ST8SIA6: variants seen among roughly 807,000 people sequenced by gnomAD.
ST8SIA6 encodes the protein alpha-2,8-sialyltransferase 8F.
Under a neutral mutation model 33.6 loss-of-function variants are expected in ST8SIA6, and 39 were observed. The ratio of observed to expected loss-of-function variants is 1.16; its 90% CI spans 0.90 to 1.52. The LOEUF (loss-of-function observed/expected upper bound fraction) is 1.52. ST8SIA6 is among the 40% of genes most tolerant of loss of function. ST8SIA6 has a pLI of 0.00. For synonymous variants in ST8SIA6, 172 were observed against 167.2 expected (o/e 1.03, Z -0.22); for missense variants, 441 against 443.8 (o/e 0.99, Z 0.06).
intron 6 of ST8SIA6, among the ~76,000 whole-genome samples, chr10:17,324,639 G>T (rs1431410052): frequency 6.6e-6 from 1 of 150,750 alleles, no homozygotes. Flanking sequence ...TTTAATTCAT[G>T]AGTCTAAAAT....
rs1307295974 is a variant in ST8SIA6 at position 17,331,817 on chromosome 10, T to C, written c.378-265A>G. 5.9e-5 allele frequency among the ~76,000 whole-genome samples: 9 copies of C among 152,186 alleles called. No homozygotes were observed. The South Asian group carries it at 1.2e-3, about 21-fold the overall frequency. On this transcript the variant is annotated intron_variant, in intron 4 of 7. Coordinates refer to ENST00000377602, the MANE Select transcript of ST8SIA6 (RefSeq NM_001004470.3). ...TTTAATTTTACTTTAAATTCTGGGA[T>C]ACATATGCAGACATGCAGGTTTGTT... is the stretch of plus-strand genomic sequence containing the variant.
At chr10:17,398,320 C>A (rs1418728635) in intron 2 of ST8SIA6, among the ~76,000 whole-genome samples, 1 of 151,022 alleles carries the variant, frequency 6.6e-6, no homozygotes, top group African/African-American at 2.4e-5. Context: ...GAGCAAGACT[C>A]CATCTTAAGG....
intron 4 of ST8SIA6, among the ~76,000 whole-genome samples, chr10:17,346,256 C>A (rs1848829491): frequency 6.6e-6 from 1 of 152,178 alleles, no homozygotes; most frequent in Admixed American, 6.5e-5. Flanking sequence ...GGATGTCCAA[C>A]TCAGGCGAGC....
chr10:17,446,819 T>G (rs1409327169), intron 2 of ST8SIA6, among the ~76,000 whole-genome samples: 4 of 151,554 alleles, frequency 2.6e-5, no homozygotes, highest in African/African-American at 9.7e-5. Context: ...TCCTAACACT[T>G]TGGGAGGCTG....
At chr10:17,431,071 T>C (rs1852086630) in intron 2 of ST8SIA6, among the ~76,000 whole-genome samples, 1 of 152,168 alleles carries the variant, frequency 6.6e-6, no homozygotes, top group Non-Finnish European at 1.5e-5. Context: ...TAGGCAGAAA[T>C]CTTTGAGTAG....
chr10:17,361,699 GAA>G (rs2131620340), intron 3 of ST8SIA6, among the ~76,000 whole-genome samples: 1 of 130,304 alleles, frequency 7.7e-6, no homozygotes, highest in South Asian at 2.6e-4. Context: ...CAAAAATAAG[GAA>G]AAGACATTGG....
At chr10:17,451,236 C>T (rs1264532384) in intron 2 of ST8SIA6, among the ~76,000 whole-genome samples, 1 of 152,120 alleles carries the variant, frequency 6.6e-6, no homozygotes, top group African/African-American at 2.4e-5. Context: ...CATACTAGAA[C>T]TCAGCCATAA....
intron 2 of ST8SIA6, among the ~76,000 whole-genome samples, chr10:17,443,006 T>A (rs1852557968): frequency 6.6e-6 from 1 of 152,182 alleles, no homozygotes; most frequent in South Asian, 2.1e-4. Flanking sequence ...CTACAATCTA[T>A]TGCATGTATA....
chr10:17,437,382 G>A (rs1176270785), intron 2 of ST8SIA6, among the ~76,000 whole-genome samples: 2 of 152,078 alleles, frequency 1.3e-5, no homozygotes, highest in Non-Finnish European at 2.9e-5. Flanking sequence ...ATGTTGCTCA[G>A]GCTAGTCATG....
chr10:17,436,226 G>T (rs1339304674), intron 2 of ST8SIA6, among the ~76,000 whole-genome samples: 2 of 152,038 alleles, frequency 1.3e-5, no homozygotes, highest in Admixed American at 6.5e-5. Flanking sequence ...ATATTGTTTG[G>T]CTGTGTCCCC....
Position 17,331,495 on chromosome 10 carries a change from G to A in ST8SIA6, c.435C>T (p.Asn145=), listed in dbSNP as rs765620730. ...AACTCATATTAGTCCCAACTGGAGTGTTATTCTGAGAAACAACAAAGTTTT... is the reference window on the plus strand; with the variant it reads ...AACTCATATTAGTCCCAACTGGAGTATTATTCTGAGAAACAACAAAGTTTT... The part of the protein sequence containing the change: ...AVQNFVVSQN[N]TPVGTNMSYE... The change falls in exon 5 of 8, where the codon AAC becomes AAT. Residue 145 remains asparagine (N), a synonymous_variant. Transcript: ENST00000377602. 22 of 1,613,240 alleles carry A rather than the reference G, an allele frequency of 1.4e-5. No homozygotes were observed. The East Asian group carries it at 4.7e-4, about 34-fold the overall frequency.
intron 2 of ST8SIA6, among the ~76,000 whole-genome samples, chr10:17,444,031 C>G (rs1182124547): frequency 6.6e-6 from 1 of 152,212 alleles, no homozygotes; most frequent in African/African-American, 2.4e-5. Context: ...AACCAAGCCT[C>G]TGGTCTCGTT....
At chr10:17,397,962 G>A (rs1850880250) in intron 2 of ST8SIA6, among the ~76,000 whole-genome samples, 1 of 152,272 alleles carries the variant, frequency 6.6e-6, no homozygotes, top group East Asian at 1.9e-4. Context: ...CACTTTACAA[G>A]CCCCACTGAC....
At chr10:17,402,228 G>T (rs142400920) in intron 2 of ST8SIA6, among the ~76,000 whole-genome samples, 4,924 of 152,250 alleles carry the variant, frequency 0.032, 84 homozygotes, top group South Asian at 0.056. Flanking sequence ...ACCACAATGA[G>T]ACACCATCTC....
At position 17,341,789 on chromosome 10, in the gene ST8SIA6, T is replaced by A. The variant is rs576920096; in HGVS notation, c.378-10237A>T. On this transcript the variant is annotated intron_variant, in intron 4 of 7. Transcript: ENST00000377602. Reference sequence around the variant, plus strand: ...GTTGGCAGCCACCTGTAATCCCAGCTACTCAGGAGGCTGAAGCAAGAGAAT... The same window carrying A: ...GTTGGCAGCCACCTGTAATCCCAGCAACTCAGGAGGCTGAAGCAAGAGAAT... 2.0e-5 allele frequency among the ~76,000 whole-genome samples: 3 copies of A among 148,574 alleles called. No individual in the cohort carries two copies. In the South Asian group the frequency reaches 6.3e-4, roughly 31 times the overall value.
intron 4 of ST8SIA6, among the ~76,000 whole-genome samples, chr10:17,346,375 C>T (rs1848833018): frequency 1.3e-5 from 2 of 152,160 alleles, no homozygotes; most frequent in African/African-American, 4.8e-5. Flanking sequence ...GCTGAGGTGG[C>T]AGGATCGCTT....
At chr10:17,420,109 A>C (rs1851733951) in intron 2 of ST8SIA6, among the ~76,000 whole-genome samples, 1 of 152,266 alleles carries the variant, frequency 6.6e-6, no homozygotes, top group Non-Finnish European at 1.5e-5. Context: ...AAGACTCTAA[A>C]GTGCTTTATA....
chr10:17,434,070 T>C (rs1852179563), intron 2 of ST8SIA6, among the ~76,000 whole-genome samples: 1 of 152,060 alleles, frequency 6.6e-6, no homozygotes, highest in Non-Finnish European at 1.5e-5. Context: ...CTGGCTTCTC[T>C]CCCCTGGGCT....
At chr10:17,328,932 C>A (rs184894850) in intron 5 of ST8SIA6, among the ~76,000 whole-genome samples, 2 of 152,286 alleles carry the variant, frequency 1.3e-5, no homozygotes, top group African/African-American at 4.8e-5. Context: ...ATTGACACCA[C>A]TGAATTTGGC....
Sources: gnomAD v4.1 joint callset for allele counts (sites outside exome capture counted in the v4.1 genomes callset) on GRCh38, gnomAD v4.1.1 for gene constraint, MANE v1.5 for transcripts, NCBI Gene and HGNC (gene_info 2026-07-23, HGNC 2026-07-21) for gene names.